ESYT2: variants seen among roughly 807,000 people sequenced by gnomAD.
The protein encoded by ESYT2 is extended synaptotagmin-2.
ESYT2 carries 54 observed loss-of-function variants against 107.2 expected under a neutral mutation model. That is an observed-to-expected ratio of 0.50 (90% CI 0.40 to 0.63). The LOEUF (loss-of-function observed/expected upper bound fraction) is 0.63. Ranked by LOEUF, ESYT2 falls within the 30% of genes least tolerant of loss-of-function variation. The pLI is 0.00. For synonymous variants in ESYT2, 491 were observed against 434.1 expected, an observed-to-expected ratio of 1.13 and a Z score of -1.63; for missense variants, 1,020 against 1,094.5, an observed-to-expected ratio of 0.93 and a Z score of 0.96.
chr7:158,746,003 G>T (rs2129471516), intron 16 of ESYT2, among the ~76,000 whole-genome samples: 1 of 151,500 alleles, frequency 6.6e-6, no homozygotes, highest in East Asian at 2.0e-4. Flanking sequence ...AATAGTAAAA[G>T]AAAAGCAATA....
chr7:158,800,724 C>CTTTTTTTT (rs1563028964), intron 1 of ESYT2, among the ~76,000 whole-genome samples: 2 of 141,424 alleles, frequency 1.4e-5, no homozygotes, highest in Non-Finnish European at 1.5e-5. Flanking sequence ...TTTCTTTTTT[C>CTTTTTTTT]TTTTCTTTTC....
intron 4 of ESYT2, among the ~76,000 whole-genome samples, chr7:158,788,684 T>G (rs943826928): frequency 2.4e-4 from 37 of 152,190 alleles, no homozygotes; most frequent in African/African-American, 8.9e-4. Flanking sequence ...TGGTCTTATA[T>G]ATAAAACACT....
chr7:158,810,423 G>A (rs1839960988), intron 1 of ESYT2, among the ~76,000 whole-genome samples: 1 of 152,198 alleles, frequency 6.6e-6, no homozygotes, highest in South Asian at 2.1e-4. Context: ...TCTCACATCT[G>A]TAATCCCAGC....
intron 4 of ESYT2, among the ~76,000 whole-genome samples, chr7:158,790,264 T>C (rs1325305859): frequency 6.6e-6 from 1 of 152,194 alleles, no homozygotes; most frequent in Admixed American, 6.5e-5. Flanking sequence ...AAATACTTTG[T>C]AAACTCAAAG....
At chr7:158,826,647 C>T (rs1189116248) in intron 1 of ESYT2, among the ~76,000 whole-genome samples, 5 of 151,074 alleles carry the variant, frequency 3.3e-5, no homozygotes, top group Non-Finnish European at 7.4e-5. Context: ...ATGGTGAAAC[C>T]CAGTCTCTAC....
At chr7:158,788,835 C>A (rs2129473245) in intron 4 of ESYT2, among the ~76,000 whole-genome samples, 1 of 152,306 alleles carries the variant, frequency 6.6e-6, no homozygotes. Flanking sequence ...TTATTTCACA[C>A]AAATAAATTT....
At chr7:158,799,737 T>A (rs1839574663) in intron 1 of ESYT2, among the ~76,000 whole-genome samples, 1 of 152,188 alleles carries the variant, frequency 6.6e-6, no homozygotes, top group African/African-American at 2.4e-5. Flanking sequence ...ATGGCTCCTC[T>A]CCATACCATC....
At chr7:158,797,552 T>A (rs756914830) in intron 3 of ESYT2, among the ~76,000 whole-genome samples, 31 of 150,514 alleles carry the variant, frequency 2.1e-4, no homozygotes, top group Non-Finnish European at 3.4e-4. Flanking sequence ...AAAAAAAAAA[T>A]TTAAAAGAAA....
At chr7:158,785,644 G>A (rs1442068347) in intron 6 of ESYT2, among the ~76,000 whole-genome samples, 1 of 152,078 alleles carries the variant, frequency 6.6e-6, no homozygotes, top group Non-Finnish European at 1.5e-5. Flanking sequence ...TGTTACAGAT[G>A]GGAAAACTGA....
chr7:158,753,278 T>C (rs1303578678), intron 13 of ESYT2, among the ~76,000 whole-genome samples: 3 of 152,216 alleles, frequency 2.0e-5, no homozygotes, highest in African/African-American at 7.2e-5. Flanking sequence ...GGTCAGGTCC[T>C]GGAACCGCCG....
intron 1 of ESYT2, among the ~76,000 whole-genome samples, chr7:158,828,848 C>T (rs985044353): frequency 2.6e-4 from 38 of 147,114 alleles, no homozygotes; most frequent in African/African-American, 7.4e-4. Context: ...CTGCACTCAC[C>T]TAGGTTGGCA....
At chr7:158,819,872 T>C (rs977193052) in intron 1 of ESYT2, among the ~76,000 whole-genome samples, 4 of 152,232 alleles carry the variant, frequency 2.6e-5, no homozygotes, top group Non-Finnish European at 5.9e-5. Flanking sequence ...ATGACAATTT[T>C]ACAAGTAATA....
At chr7:158,767,142 G>C (rs747015137) in intron 8 of ESYT2, among the ~76,000 whole-genome samples, 11 of 152,128 alleles carry the variant, frequency 7.2e-5, no homozygotes, top group Non-Finnish European at 1.6e-4. Flanking sequence ...ATCTAGTTTT[G>C]TTCTTTCCAT....
In ESYT2 at chr7:158,829,084, C is replaced by G; in HGVS notation, c.330+5G>C. On this transcript the variant is annotated splice_donor_5th_base_variant and intron_variant, in intron 1 of 22. Coordinates refer to ENST00000275418, the MANE Select transcript of ESYT2 (RefSeq NM_001367773.1). ...GGGTCGGGACGGGCAGGGGTCTGCA[C>G]TCACCCAGGCGGGCAGGTCGCAGGC... The G allele has an allele frequency of 6.3e-7, 1 of 1,584,580 alleles. No homozygotes were observed. The highest frequency in any genetic ancestry group is 8.5e-7 in the Non-Finnish European group (1 of 1,174,420).
At position 158,737,313 on chromosome 7, in the gene ESYT2, G is replaced by A. The variant is rs1255044096; in HGVS notation, c.2268-134C>T. The A allele has an allele frequency of 1.1e-5, 13 of 1,203,916 alleles. No homozygotes were observed. The African/African-American group carries it at 1.1e-4, about 10-fold the overall frequency. The allele number at this position is 1,203,916 out of a possible 1,614,324, so 74.6% of individuals were successfully genotyped here. On this transcript the variant is annotated intron_variant, in intron 19 of 22. Coordinates refer to ENST00000275418, the MANE Select transcript of ESYT2 (RefSeq NM_001367773.1). ...CGAGAAGCAACAAGGAACAGAATGC[G>A]TGAGGCGCTTTTGCCTCCCCCGACG... is the stretch of plus-strand genomic sequence containing the variant.
intron 3 of ESYT2, among the ~76,000 whole-genome samples, chr7:158,796,104 C>A (rs1376834937): frequency 6.6e-6 from 1 of 152,342 alleles, no homozygotes; most frequent in South Asian, 2.1e-4. Flanking sequence ...TCTATCACAA[C>A]CCTGAACCGC....
At chr7:158,816,825 G>A (rs1206115516) in intron 1 of ESYT2, among the ~76,000 whole-genome samples, 3 of 152,162 alleles carry the variant, frequency 2.0e-5, no homozygotes, top group Non-Finnish European at 4.4e-5. Context: ...CTTTATATGT[G>A]TGAAAAAATA....
At chr7:158,819,728 A>G (rs1002872221) in intron 1 of ESYT2, among the ~76,000 whole-genome samples, 4 of 152,220 alleles carry the variant, frequency 2.6e-5, no homozygotes, top group African/African-American at 9.6e-5. Flanking sequence ...ATCAGAAAAA[A>G]ATGTTTTTGA....
At chr7:158,819,964 A>G (rs1235537578) in intron 1 of ESYT2, among the ~76,000 whole-genome samples, 1 of 151,734 alleles carries the variant, frequency 6.6e-6, no homozygotes, top group Non-Finnish European at 1.5e-5. Flanking sequence ...GCACGCAATC[A>G]CCAAGCACAA....
Sources: allele counts gnomAD v4.1 joint callset (sites outside exome capture counted in the v4.1 genomes callset), GRCh38; gene constraint gnomAD v4.1.1; transcripts MANE v1.5; gene names NCBI Gene and HGNC (gene_info 2026-07-23, HGNC 2026-07-21).